STAU2: variants seen among roughly 807,000 people sequenced by gnomAD.
STAU2 encodes staufen double-stranded RNA binding protein 2, also known as double-stranded RNA-binding protein Staufen homolog 2.
STAU2 carries 20 observed loss-of-function variants against 65.9 expected under a neutral mutation model. That is an observed-to-expected ratio of 0.30 (90% CI 0.21 to 0.44). The LOEUF (loss-of-function observed/expected upper bound fraction) is 0.44, where lower values mean the gene tolerates loss of function less well. Among genes scored for constraint, STAU2 ranks in the 20% least tolerant of loss-of-function variants. The pLI, the probability that STAU2 is intolerant of heterozygous loss-of-function variation, is 1.00. For missense variants in STAU2, 558 were observed against 683.9 expected, an observed-to-expected ratio of 0.82 and a Z score of 2.05; for synonymous variants, 232 against 233.9, an observed-to-expected ratio of 0.99 and a Z score of 0.07.
At chr8:73,572,402 G>A (rs1201869609) in intron 12 of STAU2, among the ~76,000 whole-genome samples, 3 of 152,020 alleles carry the variant, frequency 2.0e-5, no homozygotes, top group African/African-American at 7.3e-5. Flanking sequence ...CATTTTTTGA[G>A]GCCAACATCA....
At chr8:73,561,463 A>C (rs553321864) in intron 12 of STAU2, 49 of 449,394 alleles carry the variant, frequency 1.1e-4, no homozygotes, top group Middle Eastern at 6.8e-4. Context: ...AGTGGGGTTA[A>C]AATGTTGCTC....
At chr8:73,573,178 A>G (rs1393179199) in intron 12 of STAU2, among the ~76,000 whole-genome samples, 25 of 152,254 alleles carry the variant, frequency 1.6e-4, no homozygotes, top group Non-Finnish European at 5.9e-5. Context: ...TACAATACCT[A>G]GGAATCCAAC....
intron 13 of STAU2, among the ~76,000 whole-genome samples, chr8:73,463,362 G>A (rs73318793): frequency 6.6e-6 from 1 of 152,328 alleles, no homozygotes; most frequent in African/African-American, 2.4e-5. Context: ...CAGAAAAACT[G>A]TATTCCCCAT....
At chr8:73,623,598 C>G (rs559260823) in intron 6 of STAU2, among the ~76,000 whole-genome samples, 12 of 152,252 alleles carry the variant, frequency 7.9e-5, no homozygotes, top group African/African-American at 2.9e-4. Flanking sequence ...TCTCAGTTTA[C>G]TTATCTACAA....
chr8:73,664,276 G>A (rs745782579), intron 6 of STAU2, among the ~76,000 whole-genome samples: 3 of 152,106 alleles, frequency 2.0e-5, no homozygotes, highest in African/African-American at 7.2e-5. Context: ...TGCCCACCTC[G>A]ACCTCCCAAA....
chr8:73,666,424 T>C (rs1299856733), intron 6 of STAU2, among the ~76,000 whole-genome samples: 1 of 152,238 alleles, frequency 6.6e-6, no homozygotes, highest in Non-Finnish European at 1.5e-5. Context: ...GCCATCACTA[T>C]CTGTAAAATG....
At chr8:73,624,029 G>C (rs948265424) in intron 6 of STAU2, among the ~76,000 whole-genome samples, 4 of 151,990 alleles carry the variant, frequency 2.6e-5, no homozygotes, top group Admixed American at 2.6e-4. Flanking sequence ...AATATAGAAA[G>C]ATATGCACTA....
intron 13 of STAU2, among the ~76,000 whole-genome samples, chr8:73,449,247 G>C (rs1818662287): frequency 6.6e-6 from 1 of 152,206 alleles, no homozygotes; most frequent in Non-Finnish European, 1.5e-5. Context: ...AGTTCTCCCT[G>C]GGCTCTGGAG....
chr8:73,594,661 G>C (rs550726778), intron 11 of STAU2, among the ~76,000 whole-genome samples: 46 of 152,234 alleles, frequency 3.0e-4, no homozygotes, highest in Non-Finnish European at 6.3e-4. Flanking sequence ...AGAAAAAATA[G>C]GGGACCATGA....
intron 5 of STAU2, among the ~76,000 whole-genome samples, chr8:73,683,582 T>C (rs1818583738): frequency 6.6e-6 from 1 of 152,082 alleles, no homozygotes; most frequent in Non-Finnish European, 1.5e-5. Flanking sequence ...CCACTTCTAT[T>C]CAACACAGTA....
intron 12 of STAU2, among the ~76,000 whole-genome samples, chr8:73,575,763 T>C (rs4738387): frequency 0.36 from 54,476 of 151,498 alleles, 9,928 homozygotes; most frequent in Admixed American, 0.44. Flanking sequence ...ATAAAATGTA[T>C]ATACATTTAT....
intron 9 of STAU2, 132 bp downstream of exon 9, chr8:73,613,612 A>G (rs1361488666): frequency 1.7e-6 from 1 of 582,646 alleles, no homozygotes; most frequent in African/African-American, 1.9e-5. Context: ...TTATAGTCAC[A>G]TGTCCTGCCC....
At chr8:73,594,268 A>T (rs926835856) in intron 11 of STAU2, among the ~76,000 whole-genome samples, 1 of 152,206 alleles carries the variant, frequency 6.6e-6, no homozygotes, top group Admixed American at 6.5e-5. Context: ...AAGATTTTTT[A>T]AAATCATTCA....
rs1198224350 is a variant in STAU2 at position 73,746,778 on chromosome 8, T to G, written c.-197+5A>C. 1.6e-6 allele frequency: 2 copies of G among 1,230,022 alleles called. No homozygotes were observed. The highest frequency in any genetic ancestry group is 1.0e-6 in the Non-Finnish European group (1 of 985,386). 76.2% of individuals were successfully genotyped at this position (1,230,022 alleles called of 1,614,324 possible). A position where few individuals can be genotyped will look rare whatever the true frequency, so the allele number is the denominator to read the frequency against. ...CTCCCGGACGCCCCCGATGAGGGTATTTACCTTCTTGCCGGGGACACTTTG... is the reference window on the plus strand; with the variant it reads ...CTCCCGGACGCCCCCGATGAGGGTAGTTACCTTCTTGCCGGGGACACTTTG... On this transcript the variant is annotated splice_donor_5th_base_variant and intron_variant, in intron 1 of 14. Transcript: ENST00000524300.
chr8:73,515,198 G>T (rs1822637199), intron 13 of STAU2, among the ~76,000 whole-genome samples: 1 of 152,154 alleles, frequency 6.6e-6, no homozygotes, highest in South Asian at 2.1e-4. Context: ...GCCAAATAAT[G>T]ACCTATTAGT....
intron 11 of STAU2, among the ~76,000 whole-genome samples, chr8:73,586,259 T>C (rs1275459975): frequency 2.6e-5 from 4 of 152,076 alleles, no homozygotes; most frequent in Non-Finnish European, 1.5e-5. Flanking sequence ...CCCAGAACCC[T>C]AGAAAGCCTC....
chr8:73,658,749 C>A (rs1225494165), intron 6 of STAU2, among the ~76,000 whole-genome samples: 1 of 151,782 alleles, frequency 6.6e-6, no homozygotes, highest in African/African-American at 2.4e-5. Context: ...CCCGTCTTCA[C>A]TACAAATACA....
In STAU2 at chr8:73,613,647, A is replaced by G. The variant is rs375991624; in HGVS notation, c.891+97T>C. 4.9e-4 allele frequency: 442 copies of G among 904,820 alleles called. 7 individuals carry two copies. The South Asian group carries it at 7.2e-3, about 15-fold the overall frequency. The allele number at this position is 904,820 out of a possible 1,614,324, so 56.0% of individuals were successfully genotyped here. ...CTCATTTCAGGACTGTATATAGTCC[A>G]TAAGTTCAGGGATCTGCCTTATAGA... On this transcript the variant is annotated intron_variant, in intron 9 of 14. Coordinates refer to ENST00000524300, the MANE Select transcript of STAU2 (RefSeq NM_001164380.2).
chr8:73,505,028 A>T lies in STAU2; in HGVS notation c.1530+46984T>A, dbSNP rs533522541. The stretch of plus-strand genomic sequence containing the variant: ...TGTTCTTTCTACTTAGGTGGGGACC[A>T]AATCTATATCTTTATCCCTAATTTC... On this transcript the variant is annotated intron_variant, in intron 13 of 14. Transcript: ENST00000524300. Among the ~76,000 whole-genome samples the T allele has an allele frequency of 9.2e-5, 14 of 152,242 alleles. No homozygotes were observed. The South Asian group carries it at 2.9e-3, about 32-fold the overall frequency.
Sources: gnomAD v4.1 joint callset for allele counts (sites outside exome capture counted in the v4.1 genomes callset) on GRCh38, gnomAD v4.1.1 for gene constraint, MANE v1.5 for transcripts, NCBI Gene and HGNC (gene_info 2026-07-23, HGNC 2026-07-21) for gene names.